Variants in ESRRG observed in about 807,000 individuals in gnomAD.
The protein encoded by ESRRG is estrogen-related receptor gamma.
In ESRRG, 13 loss-of-function variants were observed where a neutral mutation model predicts 44.0. That is an observed-to-expected ratio of 0.30 (90% CI 0.19 to 0.47). The LOEUF is 0.47. Ranked by LOEUF, ESRRG falls within the 20% of genes least tolerant of loss-of-function variation. ESRRG has a pLI of 1.00. For missense variants in ESRRG, 395 were observed against 580.6 expected (o/e 0.68, Z 3.29); for synonymous variants, 215 against 214.6 (o/e 1.00, Z -0.02).
chr1:216,903,428 A>AGTGTGT (rs58137897), intron 2 of ESRRG, among the ~76,000 whole-genome samples: 7 of 148,198 alleles, frequency 4.7e-5, no homozygotes, highest in African/African-American at 1.7e-4. Context: ...TGTGTGTTCA[A>AGTGTGT]GTGTGTGTGT....
intron 3 of ESRRG, among the ~76,000 whole-genome samples, chr1:216,613,280 G>A (rs576429152): frequency 2.0e-5 from 3 of 152,210 alleles, no homozygotes; most frequent in African/African-American, 7.2e-5. Context: ...TTATTGTAAT[G>A]GTAACATCTT....
intron 2 of ESRRG, among the ~76,000 whole-genome samples, chr1:216,785,738 A>G (rs2094106352): frequency 6.6e-6 from 1 of 152,128 alleles, no homozygotes; most frequent in Non-Finnish European, 1.5e-5. Flanking sequence ...TTAGCAAGTC[A>G]TTAACCTAAG....
intron 1 of ESRRG, among the ~76,000 whole-genome samples, chr1:216,711,295 A>C (rs927163643): frequency 1.3e-5 from 2 of 152,148 alleles, no homozygotes; most frequent in Admixed American, 1.3e-4. Context: ...GCAATAGCCA[A>C]TAAAGCATCC....
At chr1:217,082,552 A>G (rs2151517377) in intron 1 of ESRRG, among the ~76,000 whole-genome samples, 1 of 152,198 alleles carries the variant, frequency 6.6e-6, no homozygotes, top group Non-Finnish European at 1.5e-5. Flanking sequence ...CTTTCCCTTC[A>G]GGGGATACGT....
In ESRRG at chr1:216,749,147, A is replaced by ATTT. The variant is rs34684564; in HGVS notation, c.-13-71659_-13-71657dup. On this transcript the variant is annotated intron_variant, in intron 2 of 7. Transcript: ENST00000359162. ...ACTTGCACAGTTAAGGTGTCTAAAT[A>ATTT]TTTTTTTTTTTGCACTGTTATGCCA... Among the ~76,000 whole-genome samples the ATTT allele has an allele frequency of 8.4e-3, 1,259 of 149,018 alleles. 23 individuals are homozygous for ATTT. Among genetic ancestry groups the ATTT allele is most frequent in the African/African-American group, 0.028 (1,145 of 40,532 alleles).
intron 3 of ESRRG, among the ~76,000 whole-genome samples, chr1:216,641,845 C>G (rs768197625): frequency 5.3e-5 from 8 of 152,184 alleles, no homozygotes; most frequent in Non-Finnish European, 1.2e-4. Flanking sequence ...TGGTCTAATC[C>G]TCACATGATA....
chr1:217,030,837 G>C (rs752334612), intron 1 of ESRRG, among the ~76,000 whole-genome samples: 19 of 152,196 alleles, frequency 1.2e-4, no homozygotes, highest in Non-Finnish European at 2.6e-4. Flanking sequence ...CATAATTTTT[G>C]TATTAGTTAC....
At chr1:216,997,710 CG>C (rs895897665) in intron 1 of ESRRG, among the ~76,000 whole-genome samples, 54 of 152,258 alleles carry the variant, frequency 3.5e-4, no homozygotes, top group Middle Eastern at 3.4e-3. Context: ...CTATTCTATA[CG>C]GAAAAGCGTT....
At chr1:217,021,023 C>G (rs2150918303) in intron 1 of ESRRG, among the ~76,000 whole-genome samples, 1 of 150,198 alleles carries the variant, frequency 6.7e-6, no homozygotes, top group East Asian at 2.0e-4. Context: ...TAGGAGAACC[C>G]CCCCATCCCC....
intron 2 of ESRRG, among the ~76,000 whole-genome samples, chr1:216,833,441 C>T (rs539634152): frequency 2.6e-5 from 4 of 152,154 alleles, no homozygotes; most frequent in Admixed American, 6.5e-5. Context: ...CTAATAATTA[C>T]AAGATATCTG....
intron 1 of ESRRG, among the ~76,000 whole-genome samples, chr1:216,975,522 T>C (rs890663979): frequency 6.6e-6 from 1 of 152,210 alleles, no homozygotes; most frequent in African/African-American, 2.4e-5. Flanking sequence ...TGGAGGGCCC[T>C]TCCTTTATTC....
intron 2 of ESRRG, among the ~76,000 whole-genome samples, chr1:216,846,142 G>A (rs937797333): frequency 3.9e-5 from 6 of 151,920 alleles, no homozygotes; most frequent in African/African-American, 1.2e-4. Context: ...GTTTCTTTTT[G>A]GTCTCTTCTC....
At chr1:216,842,060 AAAGT>A (rs1397122234) in intron 2 of ESRRG, among the ~76,000 whole-genome samples, 2 of 152,290 alleles carry the variant, frequency 1.3e-5, no homozygotes, top group East Asian at 3.9e-4. Context: ...CAGATTGGTA[AAAGT>A]AAGGCCAGAA....
intron 1 of ESRRG, among the ~76,000 whole-genome samples, chr1:217,095,851 C>G (rs1285966435): frequency 6.6e-6 from 1 of 152,100 alleles, no homozygotes; most frequent in African/African-American, 2.4e-5. Flanking sequence ...TGTAAATAGC[C>G]AGTGCATGCC....
At chr1:216,626,563 T>C (rs1252665425) in intron 3 of ESRRG, among the ~76,000 whole-genome samples, 1 of 152,236 alleles carries the variant, frequency 6.6e-6, no homozygotes, top group East Asian at 1.9e-4. Flanking sequence ...CCCATTCATC[T>C]TGGGTGCCCT....
intron 5 of ESRRG, among the ~76,000 whole-genome samples, chr1:216,552,760 G>T (rs774474055): frequency 6.6e-6 from 1 of 152,016 alleles, no homozygotes; most frequent in Admixed American, 6.6e-5. Context: ...TCCCAGAATC[G>T]ACTTTTTGGG....
At chr1:216,870,866 G>A (rs964136557) in intron 2 of ESRRG, among the ~76,000 whole-genome samples, 1 of 151,634 alleles carries the variant, frequency 6.6e-6, no homozygotes, top group South Asian at 2.1e-4. Flanking sequence ...TTGACAATTT[G>A]TGTATTTCAT....
At chr1:216,818,505 A>C (rs1007467479) in intron 2 of ESRRG, among the ~76,000 whole-genome samples, 3 of 152,216 alleles carry the variant, frequency 2.0e-5, no homozygotes, top group African/African-American at 7.2e-5. Flanking sequence ...TGCCCTGTTC[A>C]ACAAGATGCC....
At chr1:217,107,755 T>A (rs1210305905) in intron 1 of ESRRG, among the ~76,000 whole-genome samples, 1 of 152,190 alleles carries the variant, frequency 6.6e-6, no homozygotes, top group African/African-American at 2.4e-5. Context: ...TCCATACAAT[T>A]ATTTAAGATG....
Sources: allele counts gnomAD v4.1 joint callset (sites outside exome capture counted in the v4.1 genomes callset), GRCh38; gene constraint gnomAD v4.1.1; transcripts MANE v1.5; gene names NCBI Gene and HGNC (gene_info 2026-07-23, HGNC 2026-07-21).